Variants in WDR19 observed in about 807,000 individuals in gnomAD.
WDR19 encodes the protein WD repeat-containing protein 19.
A neutral mutation model predicts 180.0 loss-of-function variants in WDR19; 121 were observed. The observed-to-expected ratio is 0.67, with a 90% CI of 0.58 to 0.78. The LOEUF is 0.78. Ranked by LOEUF, WDR19 falls within the 30% of genes least tolerant of loss-of-function variation. The pLI is 0.00. For missense variants in WDR19, 1,450 were observed against 1,640.7 expected (o/e 0.88, Z 2.01); for synonymous variants, 497 against 540.7 (o/e 0.92, Z 1.12).
At chr4:39,272,209 C>A (rs6828182) in intron 31 of WDR19, among the ~76,000 whole-genome samples, 22,852 of 152,292 alleles carry the variant, frequency 0.15, 1,783 homozygotes, top group Middle Eastern at 0.19. Flanking sequence ...GTGCAGGGGG[C>A]ACAGAAACAC....
At chr4:39,252,144 G>A in intron 24 of WDR19, among the ~76,000 whole-genome samples, 1 of 151,864 alleles carries the variant, frequency 6.6e-6, no homozygotes, top group Non-Finnish European at 1.5e-5. Flanking sequence ...TTAAGAAAAT[G>A]TGGCACATAT....
chr4:39,263,311 C>T (rs1387674704), intron 28 of WDR19, among the ~76,000 whole-genome samples: 2 of 152,146 alleles, frequency 1.3e-5, no homozygotes, highest in Admixed American at 6.5e-5. Context: ...ATAGAAGTCT[C>T]GTCTCAGTCT....
chr4:39,282,255 T>A (rs1362169016), intron 36 of WDR19, among the ~76,000 whole-genome samples: 1 of 152,252 alleles, frequency 6.6e-6, no homozygotes, highest in Admixed American at 6.5e-5. Flanking sequence ...CATCCTAGAA[T>A]TCTGCCTATC....
chr4:39,224,344 T>C (rs1730010685), intron 14 of WDR19, among the ~76,000 whole-genome samples: 1 of 152,092 alleles, frequency 6.6e-6, no homozygotes, highest in Non-Finnish European at 1.5e-5. Flanking sequence ...GACTGTTTAA[T>C]CACAGGTACA....
chr4:39,220,560 A>ATTT (rs142037096), intron 14 of WDR19, among the ~76,000 whole-genome samples: 1,194 of 64,350 alleles, frequency 0.019, 133 homozygotes, highest in African/African-American at 0.023. Context: ...GACCTCCTTG[A>ATTT]TTTTTTTTTT....
chr4:39,278,692 T>C lies in WDR19; in HGVS notation c.*13+29T>C, dbSNP rs745516341. The C allele has an allele frequency of 2.8e-6, 4 of 1,452,142 alleles. No homozygotes were observed. The African/African-American group carries it at 5.6e-5, about 20-fold the overall frequency. 90.0% of individuals were successfully genotyped at this position (1,452,142 alleles called of 1,614,324 possible). On this transcript the variant is annotated intron_variant, in intron 36 of 36. Coordinates refer to ENST00000399820, the MANE Select transcript of WDR19 (RefSeq NM_025132.4). ...AGTGGCAGAGCGCCCACGCACCTTCTGGGCGCAAGGGCCCACAGCGTGCAC... is the reference window on the plus strand; with the variant it reads ...AGTGGCAGAGCGCCCACGCACCTTCCGGGCGCAAGGGCCCACAGCGTGCAC...
chr4:39,271,467 G>A (rs1735370620), intron 31 of WDR19, among the ~76,000 whole-genome samples: 2 of 152,216 alleles, frequency 1.3e-5, no homozygotes, highest in Non-Finnish European at 1.5e-5. Context: ...ACTTTGGGAG[G>A]ACAAGGCAGG....
At chr4:39,262,625 C>T (rs985690625) in intron 28 of WDR19, among the ~76,000 whole-genome samples, 1 of 152,164 alleles carries the variant, frequency 6.6e-6, no homozygotes, top group Non-Finnish European at 1.5e-5. Flanking sequence ...AAACACCCCT[C>T]CCGCTGCACC....
chr4:39,284,690 T>TAAC (rs1736988584), intron 36 of WDR19, among the ~76,000 whole-genome samples: 1 of 149,178 alleles, frequency 6.7e-6, no homozygotes, highest in Non-Finnish European at 1.5e-5. Flanking sequence ...CCCAAGTTTA[T>TAAC]AACTGTTATC....
chr4:39,252,734 T>C (rs1264668793), intron 24 of WDR19, among the ~76,000 whole-genome samples: 6 of 152,086 alleles, frequency 3.9e-5, no homozygotes, highest in South Asian at 2.1e-4. Context: ...TCCTGAGCTC[T>C]ATCTAGAGGT....
chr4:39,252,822 T>C (rs1168905900), intron 24 of WDR19, among the ~76,000 whole-genome samples: 1 of 152,050 alleles, frequency 6.6e-6, no homozygotes, highest in African/African-American at 2.4e-5. Context: ...TCTATAATTG[T>C]GAAAAAAATC....
At position 39,253,959 on chromosome 4, in the gene WDR19, C is replaced by G; in HGVS notation, c.2930C>G (p.Ser977Cys). ...TCTGCCATCCAGTTTCTTGTCATGT[C>G]CAAATGCAACAATGAAGCTTTCACA... ...YGSAIQFLVMSKCNNEAFTLA... is the reference protein window; with the variant it reads ...YGSAIQFLVMCKCNNEAFTLA... Residue 977 changes from serine (S) to cysteine (C), a missense_variant, in exon 26 of 37, where the codon TCC becomes TGC. Transcript: ENST00000399820. The G allele has an allele frequency of 6.2e-7, 1 of 1,611,374 alleles. No individual in the cohort carries two copies. Among genetic ancestry groups the G allele is most frequent in the Non-Finnish European group, 8.5e-7 (1 of 1,178,198 alleles).
At chr4:39,216,236 C>G in intron 12 of WDR19, 26 bp downstream of exon 12, 1 of 1,503,886 alleles carries the variant, frequency 6.6e-7, no homozygotes, top group Non-Finnish European at 8.9e-7. Flanking sequence ...GTTGTTTATT[C>G]TTATCTAGCA....
intron 9 of WDR19, 77 bp from the exon 10 acceptor site, chr4:39,214,524 T>G: frequency 2.4e-6 from 2 of 829,688 alleles, no homozygotes; most frequent in South Asian, 3.5e-5. Flanking sequence ...ATTCCATGGT[T>G]TGTAATTTTT....
chr4:39,249,565 T>C (rs1377384276), intron 24 of WDR19, among the ~76,000 whole-genome samples: 1 of 152,178 alleles, frequency 6.6e-6, no homozygotes, highest in African/African-American at 2.4e-5. Flanking sequence ...AGCTCGTTTT[T>C]TGAAAAGATC....
rs563302411 is a variant in WDR19, at chr4:39,240,339, C to G, written c.2421+5C>G. 2.1e-6 allele frequency: 3 copies of G among 1,417,362 alleles called. No individual in the cohort carries two copies. In the East Asian group the frequency reaches 8.5e-5, roughly 40 times the overall value. The allele number at this position is 1,417,362 out of a possible 1,614,324, so 87.8% of individuals were successfully genotyped here. A position where few individuals can be genotyped will look rare whatever the true frequency, so the allele number is the denominator to read the frequency against. ...GGAATAACAGGTGATAATAAGGTAA[C>G]CTTGGATAAAGATAAGATATGCCTA... On this transcript the variant is annotated splice_donor_5th_base_variant and intron_variant, in intron 21 of 36. Transcript: ENST00000399820.
intron 36 of WDR19, among the ~76,000 whole-genome samples, chr4:39,279,156 G>T (rs923531396): frequency 6.6e-6 from 1 of 152,176 alleles, no homozygotes; most frequent in Non-Finnish European, 1.5e-5. Flanking sequence ...AGGAAGGCAG[G>T]GAAATGTAGT....
Position 39,254,150 on chromosome 4 carries a change from C to T in WDR19, c.3001+120C>T. On this transcript the variant is annotated intron_variant, in intron 26 of 36. Transcript: ENST00000399820. ...GAATGCGCCTGGTGTAAATGTTTAC[C>T]ATTTATACATAGACACACATGTATC... The T allele has an allele frequency of 3.2e-6, 3 of 945,526 alleles. No individual in the cohort carries two copies. The East Asian group carries it at 9.3e-5, about 29-fold the overall frequency. The allele number at this position is 945,526 out of a possible 1,614,324, so 58.6% of individuals were successfully genotyped here.
chr4:39,236,782 C>T (rs190497840), intron 20 of WDR19, among the ~76,000 whole-genome samples: 4 of 152,072 alleles, frequency 2.6e-5, no homozygotes, highest in African/African-American at 9.7e-5. Flanking sequence ...ATCTCTCTTG[C>T]CTTTGGAAAT....
Sources: gnomAD v4.1 joint callset for allele counts (sites outside exome capture counted in the v4.1 genomes callset) on GRCh38, gnomAD v4.1.1 for gene constraint, MANE v1.5 for transcripts, NCBI Gene and HGNC (gene_info 2026-07-23, HGNC 2026-07-21) for gene names.